GRIK1: variants seen among roughly 807,000 people sequenced by gnomAD.
GRIK1 encodes glutamate receptor ionotropic, kainate 1.
In GRIK1, 69 loss-of-function variants were observed where a neutral mutation model predicts 105.7. That is an observed-to-expected ratio of 0.65 (90% CI 0.54 to 0.80). The LOEUF is 0.80. Among genes scored for constraint, GRIK1 ranks in the 30% least tolerant of loss-of-function variants. The probability of loss-of-function intolerance (pLI) is 0.00; values close to 1 mark genes in which losing one functional copy is unlikely to be tolerated. For synonymous variants in GRIK1, 438 were observed against 431.3 expected, an observed-to-expected ratio of 1.02 and a Z score of -0.19; for missense variants, 1,109 against 1,167.3, an observed-to-expected ratio of 0.95 and a Z score of 0.73.
intron 1 of GRIK1, among the ~76,000 whole-genome samples, chr21:29,858,329 C>T (rs920363483): frequency 6.6e-6 from 1 of 152,164 alleles, no homozygotes; most frequent in African/African-American, 2.4e-5. Flanking sequence ...TGACGTTTGC[C>T]CATGAAACCC....
intron 14 of GRIK1, among the ~76,000 whole-genome samples, chr21:29,564,769 G>T (rs1345745389): frequency 6.6e-6 from 1 of 152,182 alleles, no homozygotes; most frequent in Non-Finnish European, 1.5e-5. Context: ...GTATGCAGGT[G>T]GTCTAATCCA....
At chr21:29,799,804 G>A (rs762046001) in intron 1 of GRIK1, among the ~76,000 whole-genome samples, 1 of 152,110 alleles carries the variant, frequency 6.6e-6, no homozygotes, top group African/African-American at 2.4e-5. Flanking sequence ...AAAGTGCTGG[G>A]ATTATAGGCA....
intron 1 of GRIK1, among the ~76,000 whole-genome samples, chr21:29,747,954 C>T (rs1343430021): frequency 6.6e-6 from 1 of 152,158 alleles, no homozygotes; most frequent in Non-Finnish European, 1.5e-5. Context: ...CTTTTTCTCC[C>T]TTAGAATTTA....
At chr21:29,842,485 G>T (rs1178665427) in intron 1 of GRIK1, among the ~76,000 whole-genome samples, 1 of 152,128 alleles carries the variant, frequency 6.6e-6, no homozygotes, top group Non-Finnish European at 1.5e-5. Context: ...AAAAGTTTTT[G>T]TCCTCATATT....
intron 1 of GRIK1, among the ~76,000 whole-genome samples, chr21:29,740,532 T>A (rs1456095615): frequency 6.6e-6 from 1 of 152,022 alleles, no homozygotes; most frequent in Non-Finnish European, 1.5e-5. Flanking sequence ...TTAACTGAAA[T>A]CCTCACAACC....
chr21:29,560,379 TCC>T (rs1386622411), intron 15 of GRIK1, among the ~76,000 whole-genome samples: 5 of 68,992 alleles, frequency 7.2e-5, no homozygotes, highest in African/African-American at 1.5e-4. Flanking sequence ...CTTCCTTCCT[TCC>T]TTCCTTCCTT....
chr21:29,602,876 C>T (rs1221215384), intron 7 of GRIK1, among the ~76,000 whole-genome samples: 1 of 152,040 alleles, frequency 6.6e-6, no homozygotes, highest in African/African-American at 2.4e-5. Context: ...ATAGGGAGAT[C>T]ATTTGATATC....
chr21:29,821,301 G>A (rs2067299847), intron 1 of GRIK1, among the ~76,000 whole-genome samples: 2 of 152,030 alleles, frequency 1.3e-5, no homozygotes, highest in Admixed American at 1.3e-4. Context: ...TACATTGTCT[G>A]TTTATAAGAT....
At chr21:29,723,243 TA>T (rs1444168885) in intron 1 of GRIK1, among the ~76,000 whole-genome samples, 1 of 152,244 alleles carries the variant, frequency 6.6e-6, no homozygotes, top group Admixed American at 6.5e-5. Flanking sequence ...TTCTTTAATT[TA>T]AAATTTGAGA....
intron 1 of GRIK1, among the ~76,000 whole-genome samples, chr21:29,834,224 C>G (rs459249): frequency 0.39 from 58,591 of 150,578 alleles, 12,481 homozygotes; most frequent in East Asian, 0.7. Context: ...TTACTACCCT[C>G]GGTTGCAAAT....
At chr21:29,871,228 T>A (rs74404198) in intron 1 of GRIK1, among the ~76,000 whole-genome samples, 14,095 of 152,194 alleles carry the variant, frequency 0.093, 820 homozygotes, top group African/African-American at 0.16. Context: ...TCTAGTAAAA[T>A]GCCTGGAGCA....
At chr21:29,727,982 C>G (rs1328310751) in intron 1 of GRIK1, among the ~76,000 whole-genome samples, 1 of 152,088 alleles carries the variant, frequency 6.6e-6, no homozygotes, top group Non-Finnish European at 1.5e-5. Context: ...GCAGATCCGC[C>G]CTCCCTCTAC....
intron 1 of GRIK1, among the ~76,000 whole-genome samples, chr21:29,932,005 A>G (rs1041679889): frequency 6.6e-6 from 1 of 152,214 alleles, no homozygotes. Flanking sequence ...TTTTTGTTAA[A>G]TGAAAACACA....
chr21:29,537,497 C>T, intron 17 of GRIK1, 112 bp from the exon 18 acceptor site: 1 of 863,406 alleles, frequency 1.2e-6, no homozygotes, highest in Non-Finnish European at 1.8e-6. Context: ...GAAGGCAGCT[C>T]TGTCACAATT....
chr21:29,736,801 C>A (rs1181857617), intron 1 of GRIK1, among the ~76,000 whole-genome samples: 1 of 151,676 alleles, frequency 6.6e-6, no homozygotes, highest in Admixed American at 6.6e-5. Flanking sequence ...CCTCAGTCTC[C>A]CAAGTAGCTG....
At chr21:29,760,559 T>A (rs1489600787) in intron 1 of GRIK1, 1 of 152,236 alleles carries the variant, frequency 6.6e-6, no homozygotes, top group Non-Finnish European at 1.5e-5. Flanking sequence ...TGGCACATAA[T>A]CAAATTAGCC....
rs746125563 is a variant in GRIK1 at position 29,689,837 on chromosome 21, C to T, written c.435G>A (p.Leu145=). The change falls in exon 3 of 18, where the codon TTG becomes TTA. Residue 145 remains leucine (L), a synonymous_variant. Transcript: ENST00000327783. ...WKHPSVDNKD[L]FYINLYPDYA... is the part of the protein sequence containing the mutation. ...AATCTGGGTAAAGGTTGATGTAAAA[C>T]AAATCTTTGTTGTCCACCGAGGGGT... The T allele has an allele frequency of 6.2e-6, 10 of 1,613,950 alleles. No homozygotes were observed. The highest frequency in any genetic ancestry group is 1.1e-5 in the South Asian group (1 of 91,060).
intron 1 of GRIK1, among the ~76,000 whole-genome samples, chr21:29,912,865 C>T (rs1444885169): frequency 6.6e-6 from 1 of 151,970 alleles, no homozygotes; most frequent in African/African-American, 2.4e-5. Flanking sequence ...GTAATAGCTA[C>T]TTATCTATAC....
intron 12 of GRIK1, among the ~76,000 whole-genome samples, chr21:29,587,079 G>A (rs906421622): frequency 2.0e-5 from 3 of 152,000 alleles, no homozygotes; most frequent in Admixed American, 6.6e-5. Context: ...CATTACTTTT[G>A]TTATAAATCA....
Sources: gnomAD v4.1 joint callset for allele counts (sites outside exome capture counted in the v4.1 genomes callset) on GRCh38, gnomAD v4.1.1 for gene constraint, MANE v1.5 for transcripts, NCBI Gene and HGNC (gene_info 2026-07-23, HGNC 2026-07-21) for gene names.